BAIAP2L1: variants seen among roughly 807,000 people sequenced by gnomAD.
BAIAP2L1 encodes BAR/IMD domain-containing adapter protein 2-like 1.
Under a neutral mutation model 66.3 loss-of-function variants are expected in BAIAP2L1, and 35 were observed. The observed-to-expected ratio is 0.53, with a 90% CI of 0.40 to 0.70. BAIAP2L1 has a LOEUF of 0.70. BAIAP2L1 is among the 30% of genes least tolerant of loss of function. The probability of loss-of-function intolerance (pLI) is 0.00; values close to 1 mark genes in which losing one functional copy is unlikely to be tolerated. For missense variants in BAIAP2L1, 622 were observed against 656.9 expected, an observed-to-expected ratio of 0.95 and a Z score of 0.58; for synonymous variants, 269 against 248.7, an observed-to-expected ratio of 1.08 and a Z score of -0.77.
intron 2 of BAIAP2L1, among the ~76,000 whole-genome samples, chr7:98,361,012 G>C (rs1802256794): frequency 6.6e-6 from 1 of 152,180 alleles, no homozygotes; most frequent in South Asian, 2.1e-4. Flanking sequence ...GAGCGAGAGT[G>C]AGGCCACAGG....
intron 1 of BAIAP2L1, chr7:98,385,659 C>A (rs1476281670): frequency 2.8e-6 from 2 of 707,494 alleles, no homozygotes; most frequent in Non-Finnish European, 2.4e-6. Flanking sequence ...AGCAAGCTGC[C>A]TGCTTCAGCC....
At chr7:98,302,937 A>C (rs1236569359) in intron 12 of BAIAP2L1, among the ~76,000 whole-genome samples, 3 of 152,064 alleles carry the variant, frequency 2.0e-5, no homozygotes, top group Non-Finnish European at 4.4e-5. Flanking sequence ...GACATGTGCC[A>C]CCGTACCTGG....
chr7:98,361,229 C>CA (rs1386982803), intron 2 of BAIAP2L1, among the ~76,000 whole-genome samples: 1 of 151,856 alleles, frequency 6.6e-6, no homozygotes, highest in Non-Finnish European at 1.5e-5. Context: ...TGGTGGTGTA[C>CA]ACCTATAATC....
chr7:98,296,368 G>C (rs1396578969), intron 12 of BAIAP2L1, among the ~76,000 whole-genome samples: 1 of 152,214 alleles, frequency 6.6e-6, no homozygotes, highest in African/African-American at 2.4e-5. Flanking sequence ...GCTCATGCCT[G>C]TAATCCCAGC....
intron 1 of BAIAP2L1, among the ~76,000 whole-genome samples, chr7:98,373,803 C>T (rs1397718286): frequency 9.9e-5 from 15 of 152,188 alleles, no homozygotes; most frequent in Non-Finnish European, 2.2e-4. Flanking sequence ...ACAGGTATCT[C>T]CAGGAACCTC....
At chr7:98,335,491 A>G (rs1212468616) in intron 3 of BAIAP2L1, among the ~76,000 whole-genome samples, 1 of 152,206 alleles carries the variant, frequency 6.6e-6, no homozygotes, top group Admixed American at 6.6e-5. Flanking sequence ...CGTTGCAGGT[A>G]TCTTGAAGGT....
chr7:98,372,369 G>A (rs1332967121), intron 1 of BAIAP2L1, among the ~76,000 whole-genome samples: 1 of 152,038 alleles, frequency 6.6e-6, no homozygotes, highest in Non-Finnish European at 1.5e-5. Flanking sequence ...TGGCGTCACT[G>A]CTCTGCAGCC....
intron 7 of BAIAP2L1, among the ~76,000 whole-genome samples, chr7:98,313,468 C>T (rs1026615387): frequency 1.2e-4 from 18 of 152,118 alleles, no homozygotes; most frequent in African/African-American, 4.3e-4. Flanking sequence ...TCACCTCTGT[C>T]CTCTCCAGCC....
At chr7:98,295,139 T>TCATGCCC (rs2116782107) in intron 12 of BAIAP2L1, among the ~76,000 whole-genome samples, 1 of 152,310 alleles carries the variant, frequency 6.6e-6, no homozygotes, top group Non-Finnish European at 1.5e-5. Flanking sequence ...GGAGGCCCTC[T>TCATGCCC]CATGCCCGAT....
At chr7:98,347,707 G>A (rs574056103) in intron 3 of BAIAP2L1, among the ~76,000 whole-genome samples, 30 of 152,080 alleles carry the variant, frequency 2.0e-4, no homozygotes, top group African/African-American at 6.3e-4. Context: ...CCCGGGAAGC[G>A]GAGCGTGCAG....
chr7:98,394,776 G>A (rs2115859277), intron 1 of BAIAP2L1, among the ~76,000 whole-genome samples: 1 of 152,228 alleles, frequency 6.6e-6, no homozygotes, highest in East Asian at 1.9e-4. Flanking sequence ...ACGTGAGCCA[G>A]AACATTCATA....
chr7:98,391,837 G>A (rs1021309434), intron 1 of BAIAP2L1, among the ~76,000 whole-genome samples: 4 of 152,032 alleles, frequency 2.6e-5, no homozygotes, highest in South Asian at 2.1e-4. Context: ...GAAATCTAAC[G>A]TCTGAAAGGT....
intron 1 of BAIAP2L1, among the ~76,000 whole-genome samples, chr7:98,383,718 AC>A (rs1472627607): frequency 9.2e-5 from 14 of 152,242 alleles, no homozygotes; most frequent in Admixed American, 9.2e-4. Flanking sequence ...GTGTGTACTT[AC>A]GTTTCATTCC....
At chr7:98,320,481 T>C (rs913397687) in intron 3 of BAIAP2L1, among the ~76,000 whole-genome samples, 183 bp from the exon 4 acceptor site, 14 of 152,152 alleles carry the variant, frequency 9.2e-5, no homozygotes, top group Admixed American at 8.5e-4. Flanking sequence ...ATTACAGGTG[T>C]GCATCACCAT....
chr7:98,339,598 G>A (rs1801693110), intron 3 of BAIAP2L1, among the ~76,000 whole-genome samples: 1 of 152,206 alleles, frequency 6.6e-6, no homozygotes, highest in South Asian at 2.1e-4. Flanking sequence ...GGCGTGGCCA[G>A]GCCTCACTCG....
At chr7:98,367,058 A>ATT (rs71292948) in intron 1 of BAIAP2L1, among the ~76,000 whole-genome samples, 54,683 of 144,296 alleles carry the variant, frequency 0.38, 11,416 homozygotes, top group Middle Eastern at 0.51. Flanking sequence ...AGGTAATTAA[A>ATT]TTTTTTTTTT....
chr7:98,314,999 A>G (rs142018040), intron 7 of BAIAP2L1, among the ~76,000 whole-genome samples: 101 of 152,338 alleles, frequency 6.6e-4, no homozygotes, highest in African/African-American at 2.3e-3. Flanking sequence ...CTGTATTTCT[A>G]TAAGTTTATA....
At chr7:98,359,102 G>C (rs1802206160) in intron 2 of BAIAP2L1, among the ~76,000 whole-genome samples, 1 of 152,178 alleles carries the variant, frequency 6.6e-6, no homozygotes, top group African/African-American at 2.4e-5. Context: ...GGCCGCAGAA[G>C]ACTGCAGGTG....
chr7:98,292,953 T>C lies in BAIAP2L1; in HGVS notation c.*568A>G. On this transcript the variant is annotated 3_prime_UTR_variant, in exon 14 of 14. Transcript: ENST00000005260. ...TTAGCACTCTACAGCTCTGGCGTGG[T>C]TGGAGGGAGGGTGGGGGTTTCTCCA... The C allele has an allele frequency of 4.1e-6, 5 of 1,233,260 alleles. No individual in the cohort carries two copies. The highest frequency in any genetic ancestry group is 3.2e-4 in the Middle Eastern group (1 of 3,156). 76.4% of individuals were successfully genotyped at this position (1,233,260 alleles called of 1,614,324 possible).
Sources: allele counts gnomAD v4.1 joint callset (sites outside exome capture counted in the v4.1 genomes callset), GRCh38; gene constraint gnomAD v4.1.1; transcripts MANE v1.5; gene names NCBI Gene and HGNC (gene_info 2026-07-23, HGNC 2026-07-21).